The following MPV17 variants were observed in gnomAD, a reference collection of about 807,000 sequenced individuals.
MPV17 encodes MPV17, mitochondrial inner membrane protein.
Under a neutral mutation model 28.6 loss-of-function variants are expected in MPV17, and 31 were observed. The ratio of observed to expected loss-of-function variants is 1.08; its 90% CI spans 0.81 to 1.46. The LOEUF (loss-of-function observed/expected upper bound fraction) is 1.46, where lower values mean the gene tolerates loss of function less well. Among genes scored for constraint, MPV17 ranks in the 40% most tolerant of loss-of-function variants. The pLI is 0.00. For missense variants in MPV17, 198 were observed against 216.2 expected, an observed-to-expected ratio of 0.92 and a Z score of 0.53; for synonymous variants, 87 against 85.3, an observed-to-expected ratio of 1.02 and a Z score of -0.11.
At position 27,309,612 on chromosome 2, in the gene MPV17, A is replaced by C; in HGVS notation, c.*300T>G. 1.7e-6 allele frequency: 1 copy of C among 587,482 alleles called. No homozygotes were observed. The highest frequency in any genetic ancestry group is 2.0e-5 in the South Asian group (1 of 49,096). The allele number at this position is 587,482 out of a possible 1,614,324, so 36.4% of individuals were successfully genotyped here. A position where few individuals can be genotyped will look rare whatever the true frequency, so the allele number is the denominator to read the frequency against. Reference sequence around the variant, plus strand: ...GGTTAGAGTAACAAATGTGTCTATGAAGAGTGGGGATGAGTGGCATTTGCT... The same window carrying C: ...GGTTAGAGTAACAAATGTGTCTATGCAGAGTGGGGATGAGTGGCATTTGCT... On this transcript the variant is annotated 3_prime_UTR_variant, in exon 8 of 8. Coordinates refer to ENST00000380044, the MANE Select transcript of MPV17 (RefSeq NM_002437.5).
chr2:27,317,376 AC>A lies in MPV17; in HGVS notation c.71-4268del. 1.5e-6 allele frequency: 1 copy of A among 689,498 alleles called. No homozygotes were observed. The highest frequency in any genetic ancestry group is 2.3e-6 in the Non-Finnish European group (1 of 440,086). 42.7% of individuals were successfully genotyped at this position (689,498 alleles called of 1,614,324 possible). On this transcript the variant is annotated intron_variant, in intron 2 of 7. Transcript: ENST00000380044. This position sits in a 1 kb window ranked among gnomAD's most constrained non-coding sequence, Gnocchi z 4.0. Reference sequence around the variant, plus strand: ...CCCATTTCTGACCTGAACCCATCCTACTGCTAGAAAATGAGACAAAACGGGT... The same window carrying A: ...CCCATTTCTGACCTGAACCCATCCTATGCTAGAAAATGAGACAAAACGGGT...
Position 27,317,031 on chromosome 2 carries a change from T to TG in MPV17, c.71-3923dup. On this transcript the variant is annotated intron_variant, in intron 2 of 7. Coordinates refer to ENST00000380044, the MANE Select transcript of MPV17 (RefSeq NM_002437.5). The surrounding 1 kb of genome is among the most constrained non-coding windows in gnomAD (Gnocchi z 4.0). ...AACTTCCACACCCTCTTCCCGGGCA[T>TG]GGGCAGGGTAAATTCCCTACTTCTC... 3 of 1,495,850 alleles carry TG rather than the reference T, an allele frequency of 2.0e-6. No homozygotes were observed. Among genetic ancestry groups the TG allele is most frequent in the Non-Finnish European group, 2.7e-6 (3 of 1,112,246 alleles). The allele number at this position is 1,495,850 out of a possible 1,614,324, so 92.7% of individuals were successfully genotyped here. A position where few individuals can be genotyped will look rare whatever the true frequency, so the allele number is the denominator to read the frequency against.
intron 5 of MPV17, 123 bp from the exon 6 acceptor site, chr2:27,312,369 C>T: frequency 1.4e-6 from 2 of 1,413,790 alleles, no homozygotes; most frequent in East Asian, 2.3e-5. Flanking sequence ...ACCCTCAGCT[C>T]CTCTCCTCCA....
intron 2 of MPV17, chr2:27,316,306 C>G: frequency 8.3e-7 from 1 of 1,199,592 alleles, no homozygotes; most frequent in Non-Finnish European, 1.2e-6. Flanking sequence ...CCCCATAGTT[C>G]TGGAAGCCTG....
At chr2:27,322,051 T>A (rs1558605813) in intron 2 of MPV17, 1 of 251,930 alleles carries the variant, frequency 4.0e-6, no homozygotes, top group Admixed American at 5.0e-5. Context: ...TTATTAGGTG[T>A]GATCTAATGT....
At chr2:27,319,776 A>G (rs1207412727) in intron 2 of MPV17, among the ~76,000 whole-genome samples, 1 of 151,382 alleles carries the variant, frequency 6.6e-6, no homozygotes, top group South Asian at 2.1e-4. Flanking sequence ...AATACAAAAA[A>G]GTAGCCTGGT....
chr2:27,316,946 G>A (rs1679676827), intron 2 of MPV17: 2 of 847,970 alleles, frequency 2.4e-6, no homozygotes, highest in South Asian at 1.9e-5. Context: ...AGGGGGAAGG[G>A]AGCCTGCCTC....
rs558088990 is a variant in MPV17, at chr2:27,311,383, G to C, written c.461+516C>G. The C allele has an allele frequency of 8.5e-6, 5 of 587,292 alleles. No individual in the cohort carries two copies. The African/African-American group carries it at 9.3e-5, about 11-fold the overall frequency. The allele number at this position is 587,292 out of a possible 1,614,324, so 36.4% of individuals were successfully genotyped here. A position where few individuals can be genotyped will look rare whatever the true frequency, so the allele number is the denominator to read the frequency against. ...GCCAGTCTGTATTCGTTTTAGCTAT[G>C]CTACTCATGTACATTTTGGCCCTGT... On this transcript the variant is annotated intron_variant, in intron 7 of 7. Coordinates refer to ENST00000380044, the MANE Select transcript of MPV17 (RefSeq NM_002437.5).
chr2:27,318,159 C>T (rs1370778096), intron 2 of MPV17, among the ~76,000 whole-genome samples: 2 of 151,358 alleles, frequency 1.3e-5, no homozygotes, highest in African/African-American at 4.9e-5. Context: ...ACCTCTGCCT[C>T]ACAGGTTCAA....
At position 27,309,667 on chromosome 2, in the gene MPV17, T is replaced by C; in HGVS notation, c.*245A>G. The C allele has an allele frequency of 1.6e-6, 1 of 614,966 alleles. No homozygotes were observed. The allele number at this position is 614,966 out of a possible 1,614,324, so 38.1% of individuals were successfully genotyped here. A position where few individuals can be genotyped will look rare whatever the true frequency, so the allele number is the denominator to read the frequency against. On this transcript the variant is annotated 3_prime_UTR_variant, in exon 8 of 8. Transcript: ENST00000380044. ...TATGGGTGTAAAGTTGATAAGGTCATGAAGGTTCAACAGATATTTATGGAG... is the reference window on the plus strand; with the variant it reads ...TATGGGTGTAAAGTTGATAAGGTCACGAAGGTTCAACAGATATTTATGGAG...
chr2:27,311,731 T>C lies in MPV17; in HGVS notation c.461+168A>G, dbSNP rs191163400. On this transcript the variant is annotated intron_variant, in intron 7 of 7. Transcript: ENST00000380044. ...GACACTCTGGGACAGTTTCCGGAAATGGCAAGACATTCTGAATAACACGCT... is the reference window on the plus strand; with the variant it reads ...GACACTCTGGGACAGTTTCCGGAAACGGCAAGACATTCTGAATAACACGCT... 1.1e-4 allele frequency: 170 copies of C among 1,552,826 alleles called. No homozygotes were observed. The East Asian group carries it at 3.6e-3, about 32-fold the overall frequency.
Position 27,317,093 on chromosome 2 carries a change from G to C in MPV17, c.71-3984C>G. 1 of 1,548,446 alleles carries C rather than the reference G, an allele frequency of 6.5e-7. No individual in the cohort carries two copies. Among genetic ancestry groups the C allele is most frequent in the Non-Finnish European group, 8.7e-7 (1 of 1,146,576 alleles). On this transcript the variant is annotated intron_variant, in intron 2 of 7. Coordinates refer to ENST00000380044, the MANE Select transcript of MPV17 (RefSeq NM_002437.5). The surrounding 1 kb of genome is among the most constrained non-coding windows in gnomAD (Gnocchi z 4.0). ...CTCTACTTACTTTTGTGGCTTTTGA[G>C]TTTCATGCGCAGAAGGCAGAGGGGC... is the stretch of plus-strand genomic sequence containing the variant.
chr2:27,316,036 C>G (rs1419140683), intron 2 of MPV17: 10 of 1,548,620 alleles, frequency 6.5e-6, no homozygotes, highest in Non-Finnish European at 8.7e-6. Flanking sequence ...GGCTGCTCCC[C>G]TGCTGGGTGT....
intron 7 of MPV17, chr2:27,311,336 C>T: frequency 2.1e-6 from 1 of 486,334 alleles, no homozygotes; most frequent in Non-Finnish European, 3.7e-6. Context: ...GCTAGAATTA[C>T]AGGTGTGAGC....
intron 6 of MPV17, 95 bp from the exon 7 acceptor site, chr2:27,312,046 A>G: frequency 6.6e-7 from 1 of 1,504,912 alleles, no homozygotes; most frequent in South Asian, 1.1e-5. Context: ...TGCACACAAG[A>G]AAAAGGTGAA....
intron 2 of MPV17, among the ~76,000 whole-genome samples, chr2:27,321,434 A>G (rs1209934695): frequency 6.6e-6 from 1 of 152,228 alleles, no homozygotes; most frequent in Non-Finnish European, 1.5e-5. Context: ...TGTTCTGGTC[A>G]CAGGATCCCT....
rs138393441 is a variant in MPV17, at chr2:27,314,193, G to A, written c.71-1084C>T. Reference sequence around the variant, plus strand: ...TTTTTTTAAACAATTAGCTGGGCACGGTGGCACGTGCCTGTAGTCCCAGCT... The same window carrying A: ...TTTTTTTAAACAATTAGCTGGGCACAGTGGCACGTGCCTGTAGTCCCAGCT... On this transcript the variant is annotated intron_variant, in intron 2 of 7. Coordinates refer to ENST00000380044, the MANE Select transcript of MPV17 (RefSeq NM_002437.5). Among the ~76,000 whole-genome samples the A allele has an allele frequency of 9.6e-4, 146 of 152,222 alleles. 1 individual carries two copies. Among genetic ancestry groups the A allele is most frequent in the Non-Finnish European group, 1.4e-3 (95 of 68,018 alleles).
At chr2:27,316,121 T>G in intron 2 of MPV17, 1 of 1,551,074 alleles carries the variant, frequency 6.4e-7, no homozygotes, top group Non-Finnish European at 8.7e-7. Context: ...CCTCTCTGTC[T>G]TTACTCCCCC....
intron 2 of MPV17, among the ~76,000 whole-genome samples, chr2:27,318,086 T>G (rs1207067319): frequency 6.6e-6 from 1 of 151,060 alleles, no homozygotes; most frequent in African/African-American, 2.4e-5. Flanking sequence ...TTTTTTTTTT[T>G]GAGACAGAGT....
Sources: gnomAD v4.1 joint callset for allele counts (sites outside exome capture counted in the v4.1 genomes callset) on GRCh38, gnomAD v4.1.1 for gene constraint, Gnocchi (gnomAD v3.1) non-coding constraint, MANE v1.5 for transcripts, NCBI Gene and HGNC (gene_info 2026-07-23, HGNC 2026-07-21) for gene names.